PDE7B: variants seen among roughly 807,000 people sequenced by gnomAD.
The protein encoded by PDE7B is 3',5'-cyclic-AMP phosphodiesterase 7B.
Under a neutral mutation model 56.2 loss-of-function variants are expected in PDE7B, and 29 were observed. The ratio of observed to expected loss-of-function variants is 0.52; its 90% confidence interval spans 0.38 to 0.70. The LOEUF (loss-of-function observed/expected upper bound fraction) is 0.70. Ranked by LOEUF, PDE7B falls within the 30% of genes least tolerant of loss-of-function variation. The probability of loss-of-function intolerance (pLI) is 0.00; values close to 1 mark genes in which losing one functional copy is unlikely to be tolerated. For missense variants in PDE7B, 490 were observed against 565.0 expected, an observed-to-expected ratio of 0.87 and a Z score of 1.35; for synonymous variants, 197 against 196.9, an observed-to-expected ratio of 1.00 and a Z score of 0.00.
At chr6:135,941,033 G>A (rs998302422) in intron 1 of PDE7B, among the ~76,000 whole-genome samples, 2 of 152,142 alleles carry the variant, frequency 1.3e-5, no homozygotes, top group African/African-American at 4.8e-5. Flanking sequence ...CCTCATTTGG[G>A]AAATTCATGT....
intron 1 of PDE7B, among the ~76,000 whole-genome samples, chr6:135,910,538 C>T (rs1776194064): frequency 6.6e-6 from 1 of 152,166 alleles, no homozygotes; most frequent in Admixed American, 6.5e-5. Context: ...TTATCCACAT[C>T]CCCCACCAAA....
intron 1 of PDE7B, among the ~76,000 whole-genome samples, chr6:135,863,704 T>G (rs991665471): frequency 1.4e-4 from 21 of 151,954 alleles, no homozygotes; most frequent in African/African-American, 4.8e-4. Context: ...TTTTTTTTTT[T>G]TTTTTGCCTT....
At chr6:136,061,801 G>A (rs959875043) in intron 2 of PDE7B, among the ~76,000 whole-genome samples, 1 of 152,210 alleles carries the variant, frequency 6.6e-6, no homozygotes, top group Non-Finnish European at 1.5e-5. Context: ...AGTGGAGATT[G>A]AGAATGCAAC....
intron 10 of PDE7B, among the ~76,000 whole-genome samples, chr6:136,179,728 C>A (rs757080773): frequency 6.6e-6 from 1 of 152,170 alleles, no homozygotes; most frequent in African/African-American, 2.4e-5. Flanking sequence ...AAACAAGTGA[C>A]CTCCCTTTAC....
intron 1 of PDE7B, among the ~76,000 whole-genome samples, chr6:135,944,211 C>T (rs1774555086): frequency 6.6e-6 from 1 of 152,058 alleles, no homozygotes; most frequent in Non-Finnish European, 1.5e-5. Context: ...GTTGCAGCAC[C>T]CGATAATCCA....
At chr6:135,891,446 C>T (rs904626485) in intron 1 of PDE7B, among the ~76,000 whole-genome samples, 21 of 152,182 alleles carry the variant, frequency 1.4e-4, no homozygotes, top group African/African-American at 4.8e-4. Context: ...ATTCCATCCA[C>T]AGGTCTCATT....
intron 3 of PDE7B, among the ~76,000 whole-genome samples, chr6:136,123,090 G>A (rs868111678): frequency 1.4e-3 from 3 of 2,166 alleles, no homozygotes; most frequent in South Asian, 0.1. Flanking sequence ...TCTAGGTGCG[G>A]TGGCTAATCC....
At chr6:136,009,018 G>A (rs1775839340) in intron 2 of PDE7B, among the ~76,000 whole-genome samples, 1 of 151,080 alleles carries the variant, frequency 6.6e-6, no homozygotes, top group South Asian at 2.1e-4. Flanking sequence ...TATATAAGGT[G>A]TAAGGAAGGG....
intron 12 of PDE7B, 35 bp from the exon 13 acceptor site, chr6:136,191,579 C>G (rs761635279): frequency 1.3e-6 from 2 of 1,567,776 alleles, no homozygotes; most frequent in Admixed American, 1.7e-5. Flanking sequence ...GGTTTCACCA[C>G]GCTGTGATGC....
chr6:136,080,290 A>G lies in PDE7B; in HGVS notation c.83-28441A>G, dbSNP rs530970154. Among the ~76,000 whole-genome samples the G allele has an allele frequency of 8.5e-5, 13 of 152,310 alleles. No homozygotes were observed. The South Asian group carries it at 2.3e-3, about 27-fold the overall frequency. On this transcript the variant is annotated intron_variant, in intron 2 of 12. Transcript: ENST00000308191. The stretch of plus-strand genomic sequence containing the variant: ...AAAGTTACAGGCTCTCCAAACTCAC[A>G]CAAGTCCCCTACCCCCAGCTTTAAA...
At chr6:135,974,408 T>A (rs868302891) in intron 2 of PDE7B, among the ~76,000 whole-genome samples, 2 of 152,120 alleles carry the variant, frequency 1.3e-5, no homozygotes, top group African/African-American at 4.8e-5. Flanking sequence ...ATCATATGGG[T>A]GTTATGTTCC....
At chr6:135,996,493 T>C (rs1171427980) in intron 2 of PDE7B, among the ~76,000 whole-genome samples, 1 of 152,218 alleles carries the variant, frequency 6.6e-6, no homozygotes, top group African/African-American at 2.4e-5. Context: ...TAGTTTTCTA[T>C]CCTTACAAAA....
chr6:136,163,632 T>C (rs557366628), intron 8 of PDE7B, among the ~76,000 whole-genome samples: 29 of 152,358 alleles, frequency 1.9e-4, no homozygotes, highest in African/African-American at 7.0e-4. Context: ...GGTTTTTCTT[T>C]TCTATTACAT....
chr6:136,193,221 C>A lies in PDE7B; in HGVS notation c.*1381C>A, dbSNP rs1779258247. On this transcript the variant is annotated 3_prime_UTR_variant, in exon 13 of 13. Transcript: ENST00000308191. ...CAGGGAATTCCCTGCTCCCATGCCA[C>A]ACATTTGTCTATTATGGCTATAGTA... The A allele has an allele frequency of 6.6e-6, 1 of 152,636 alleles. No individual in the cohort carries two copies. Among genetic ancestry groups the A allele is most frequent in the African/African-American group, 2.4e-5 (1 of 41,442 alleles). The allele number at this position is 152,636 out of a possible 1,614,324, so 9.5% of individuals were successfully genotyped here. A position where few individuals can be genotyped will look rare whatever the true frequency, so the allele number is the denominator to read the frequency against.
At chr6:135,934,811 T>TTAAAATATATATATAATAA (rs1491435349) in intron 1 of PDE7B, among the ~76,000 whole-genome samples, 2 of 108,028 alleles carry the variant, frequency 1.9e-5, no homozygotes, top group African/African-American at 8.3e-5. Context: ...ATATATTTAT[T>TTAAAATATATATATAATAA]ATATATATAT....
chr6:135,983,994 A>G (rs999865502), intron 2 of PDE7B, among the ~76,000 whole-genome samples: 22 of 152,372 alleles, frequency 1.4e-4, no homozygotes, highest in Non-Finnish European at 5.9e-5. Context: ...ATTTACTGCA[A>G]ATTCTGAAGG....
chr6:136,082,540 CAA>C lies in PDE7B; in HGVS notation c.83-26186_83-26185del, dbSNP rs1035689607. On this transcript the variant is annotated intron_variant, in intron 2 of 12. Transcript: ENST00000308191. Reference sequence around the variant, plus strand: ...CCAGTCATGCAGTTAGCCTGGACCACAAAAAAGATAAATGGGTAAGAACCTGC... The same window carrying C: ...CCAGTCATGCAGTTAGCCTGGACCACAAAAGATAAATGGGTAAGAACCTGC... Among the ~76,000 whole-genome samples, 5 of 152,114 alleles carry C rather than the reference CAA, an allele frequency of 3.3e-5. No homozygotes were observed. In the South Asian group the frequency reaches 1.0e-3, roughly 32 times the overall value.
At chr6:135,868,679 G>A (rs1775312363) in intron 1 of PDE7B, among the ~76,000 whole-genome samples, 1 of 152,174 alleles carries the variant, frequency 6.6e-6, no homozygotes. Flanking sequence ...TGATCTGCCT[G>A]CCTGGGCCTC....
rs945165206 is a variant in PDE7B at position 136,192,147 on chromosome 6, T to C, written c.*307T>C. On this transcript the variant is annotated 3_prime_UTR_variant, in exon 13 of 13. Coordinates refer to ENST00000308191, the MANE Select transcript of PDE7B (RefSeq NM_018945.4). ...GGAAGAATGAGGTGCTCCTGCCGTG[T>C]CCGCCTTGTTCCGGGTCGCACTGGA... 1 of 395,810 alleles carries C rather than the reference T, an allele frequency of 2.5e-6. No homozygotes were observed. The highest frequency in any genetic ancestry group is 4.7e-6 in the Non-Finnish European group (1 of 212,448). The allele number at this position is 395,810 out of a possible 1,614,324, so 24.5% of individuals were successfully genotyped here.
Sources: gnomAD v4.1 joint callset for allele counts (sites outside exome capture counted in the v4.1 genomes callset) on GRCh38, gnomAD v4.1.1 for gene constraint, MANE v1.5 for transcripts, NCBI Gene and HGNC (gene_info 2026-07-23, HGNC 2026-07-21) for gene names.